TAF12: variants seen among roughly 807,000 people sequenced by gnomAD.
The protein encoded by TAF12 is transcription initiation factor TFIID subunit 12.
Under a neutral mutation model 20.8 loss-of-function variants are expected in TAF12, and 3 were observed. The ratio of observed to expected loss-of-function variants is 0.14; its 90% CI spans 0.07 to 0.37. The LOEUF is 0.37. TAF12 is among the 10% of genes least tolerant of loss of function. TAF12 has a pLI of 1.00. For synonymous variants in TAF12, 69 were observed against 70.2 expected (o/e 0.98, Z 0.09); for missense variants, 131 against 197.9 (o/e 0.66, Z 2.03).
rs905139105 is a variant in TAF12, at chr1:28,622,067, G to A, written c.15C>T (p.Gly5=). Residue 5 remains glycine, a synonymous_variant, in exon 2 of 6, where the codon GGC becomes GGT. Transcript: ENST00000373824. ...TGGAGAGGTTGATTAGGGCTGAGGG[G>A]CCAAACTGGTTCATAATCTGCCGAG... is the stretch of plus-strand genomic sequence containing the variant. MNQF[G]PSALINLSNF... The A allele has an allele frequency of 6.2e-7, 1 of 1,611,980 alleles. No individual in the cohort carries two copies. The highest frequency in any genetic ancestry group is 8.5e-7 in the Non-Finnish European group (1 of 1,179,568).
chr1:28,627,145 G>A (rs1667430390), intron 1 of TAF12, among the ~76,000 whole-genome samples: 1 of 152,068 alleles, frequency 6.6e-6, no homozygotes, highest in Non-Finnish European at 1.5e-5. Context: ...CCAGCACTGT[G>A]GGAGGCCAAT....
intron 5 of TAF12, 98 bp downstream of exon 5, chr1:28,605,274 G>T: frequency 7.9e-7 from 1 of 1,268,866 alleles, no homozygotes; most frequent in Non-Finnish European, 1.1e-6. Flanking sequence ...CTGTGTGGAG[G>T]AAGCGAGGCC....
intron 1 of TAF12, among the ~76,000 whole-genome samples, chr1:28,630,880 C>G (rs1213859336): frequency 1.3e-5 from 2 of 151,534 alleles, no homozygotes; most frequent in African/African-American, 4.9e-5. Flanking sequence ...CCTGTCTCTA[C>G]TAAAAACACA....
chr1:28,643,032 C>A lies in TAF12; in HGVS notation c.-125G>T. On this transcript the variant is annotated 5_prime_UTR_variant, in exon 1 of 6. Transcript: ENST00000373824. ...TCTCCCCATGATATGCAGAGACTGC[C>A]CCAGTGAAGCGTTCGTCTCAGCAGC... 1.0e-6 allele frequency: 1 copy of A among 985,904 alleles called. No individual in the cohort carries two copies. Among genetic ancestry groups the A allele is most frequent in the South Asian group, 4.7e-5 (1 of 21,288 alleles). 61.1% of individuals were successfully genotyped at this position (985,904 alleles called of 1,614,324 possible).
At chr1:28,609,730 G>A (rs764642505) in intron 4 of TAF12, among the ~76,000 whole-genome samples, 2 of 151,780 alleles carry the variant, frequency 1.3e-5, no homozygotes, top group Non-Finnish European at 2.9e-5. Flanking sequence ...CAGGTGACCC[G>A]CCCACCTTGG....
intron 1 of TAF12, among the ~76,000 whole-genome samples, chr1:28,626,378 G>A (rs373626402): frequency 1.3e-5 from 2 of 151,700 alleles, no homozygotes; most frequent in Non-Finnish European, 2.9e-5. Context: ...TCAGGAGTTC[G>A]AGACCAGCCT....
intron 1 of TAF12, among the ~76,000 whole-genome samples, chr1:28,627,413 G>T (rs984358851): frequency 6.7e-6 from 1 of 149,862 alleles, no homozygotes; most frequent in Non-Finnish European, 1.5e-5. Context: ...AAAAAAAGAG[G>T]CCGGGCGCGG....
At chr1:28,620,104 T>C (rs1308173871) in intron 2 of TAF12, among the ~76,000 whole-genome samples, 6 of 152,032 alleles carry the variant, frequency 3.9e-5, no homozygotes, top group African/African-American at 9.7e-5. Flanking sequence ...GATGAACACA[T>C]ATAACTTTTG....
intron 1 of TAF12, among the ~76,000 whole-genome samples, chr1:28,632,303 G>A (rs747421984): frequency 6.6e-6 from 1 of 152,272 alleles, no homozygotes; most frequent in East Asian, 1.9e-4. Context: ...TGGCATGGTG[G>A]CATGTGCCTG....
intron 2 of TAF12, among the ~76,000 whole-genome samples, chr1:28,618,510 G>A (rs966962098): frequency 6.6e-6 from 1 of 151,564 alleles, no homozygotes; most frequent in Non-Finnish European, 1.5e-5. Flanking sequence ...TGGGACCATA[G>A]GCACGTGCCA....
intron 4 of TAF12, among the ~76,000 whole-genome samples, chr1:28,610,990 T>A (rs1004081969): frequency 2.7e-5 from 3 of 111,756 alleles, no homozygotes; most frequent in Non-Finnish European, 3.7e-5. Context: ...AAAACACAGG[T>A]GGAGTCTGTG....
At chr1:28,622,819 G>C (rs371912953) in intron 1 of TAF12, among the ~76,000 whole-genome samples, 1 of 151,990 alleles carries the variant, frequency 6.6e-6, no homozygotes, top group Non-Finnish European at 1.5e-5. Flanking sequence ...TCAGGAGTTC[G>C]AGAGGAGCCT....
chr1:28,603,690 A>G, intron 5 of TAF12, 116 bp from the exon 6 acceptor site: 1 of 996,690 alleles, frequency 1.0e-6, no homozygotes, highest in Non-Finnish European at 1.6e-6. Flanking sequence ...CAGCCCTCAG[A>G]GACCTGCAGT....
intron 1 of TAF12, among the ~76,000 whole-genome samples, chr1:28,635,088 G>T (rs1011823839): frequency 1.3e-5 from 2 of 149,142 alleles, no homozygotes; most frequent in Non-Finnish European, 3.0e-5. Flanking sequence ...AAATTAGACA[G>T]GCATGGTGGC....
At chr1:28,614,121 C>G (rs1240289848) in intron 3 of TAF12, among the ~76,000 whole-genome samples, 1 of 151,974 alleles carries the variant, frequency 6.6e-6, no homozygotes, top group East Asian at 1.9e-4. Context: ...GCCTGTAGTC[C>G]CAGCTACTTG....
At chr1:28,646,753 C>T (rs1668199432), upstream of TAF12, among the ~76,000 whole-genome samples, 1 of 143,868 alleles carries the variant, frequency 7.0e-6, no homozygotes, top group African/African-American at 2.6e-5. Flanking sequence ...GGCTGGAGTG[C>T]AGTGGTGCAA....
At chr1:28,637,448 C>T (rs554733520) in intron 1 of TAF12, among the ~76,000 whole-genome samples, 40 of 152,118 alleles carry the variant, frequency 2.6e-4, no homozygotes, top group African/African-American at 8.2e-4. Context: ...AGGCGGATCA[C>T]GAGGTCAGGA....
At chr1:28,636,848 G>A (rs1330503295) in intron 1 of TAF12, among the ~76,000 whole-genome samples, 1 of 152,060 alleles carries the variant, frequency 6.6e-6, no homozygotes, top group Admixed American at 6.6e-5. Context: ...TGGAGCACAT[G>A]TATAATCCCA....
chr1:28,627,077 C>T (rs1268313042), intron 1 of TAF12, among the ~76,000 whole-genome samples: 2 of 151,954 alleles, frequency 1.3e-5, no homozygotes, highest in Admixed American at 6.6e-5. Context: ...ATAGCTCCAA[C>T]AGCAGTCACT....
Sources: allele counts gnomAD v4.1 joint callset (sites outside exome capture counted in the v4.1 genomes callset), GRCh38; gene constraint gnomAD v4.1.1; transcripts MANE v1.5; gene names NCBI Gene and HGNC (gene_info 2026-07-23, HGNC 2026-07-21).